Variants in CAMTA1 observed in about 807,000 individuals in gnomAD.
CAMTA1 encodes the protein calmodulin binding transcription activator 1, also known as calmodulin-binding transcription activator 1.
A neutral mutation model predicts 170.9 loss-of-function variants in CAMTA1; 27 were observed. That is an observed-to-expected ratio of 0.16 (90% CI 0.12 to 0.22). The LOEUF (loss-of-function observed/expected upper bound fraction) is 0.22, where lower values mean the gene tolerates loss of function less well. Ranked by LOEUF, CAMTA1 falls within the 10% of genes least tolerant of loss-of-function variation. CAMTA1 has a pLI of 1.00. For synonymous variants in CAMTA1, 833 were observed against 891.5 expected (o/e 0.93, Z 1.17); for missense variants, 1,619 against 2,217.2 (o/e 0.73, Z 5.42).
In CAMTA1 at chr1:7,663,723, C is replaced by A. The variant is rs1307863840; in HGVS notation, c.1176C>A (p.Ser392Arg). Residue 392 changes from serine (S) to arginine (R), a missense_variant, in exon 9 of 23, where the codon AGC (serine) becomes AGA (arginine). Coordinates refer to ENST00000303635, the MANE Select transcript of CAMTA1 (RefSeq NM_015215.4). ...SGMAVASVMG[S>R]LSQSATVFMS... ...TGGCGGTGGCCTCTGTGATGGGGAG[C>A]TTGTCCCAGAGCGCCACGGTGTTCA... is the stretch of plus-strand genomic sequence containing the variant. The A allele has an allele frequency of 6.2e-7, 1 of 1,613,874 alleles. No individual in the cohort carries two copies. The highest frequency in any genetic ancestry group is 8.5e-7 in the Non-Finnish European group (1 of 1,179,944).
chr1:7,023,264 A>T (rs142629529), intron 3 of CAMTA1, among the ~76,000 whole-genome samples: 105 of 152,376 alleles, frequency 6.9e-4, no homozygotes, highest in Admixed American at 1.5e-3. Context: ...TTGGTCCCGA[A>T]TTAGTGGTAC....
chr1:7,017,035 G>T (rs997043264), intron 3 of CAMTA1, among the ~76,000 whole-genome samples: 1 of 152,052 alleles, frequency 6.6e-6, no homozygotes, highest in Non-Finnish European at 1.5e-5. Flanking sequence ...CTGTACACAG[G>T]TGCCCACTTC....
intron 3 of CAMTA1, among the ~76,000 whole-genome samples, chr1:7,023,554 A>AT (rs1432799079): frequency 6.6e-6 from 1 of 152,264 alleles, no homozygotes; most frequent in Non-Finnish European, 1.5e-5. Flanking sequence ...AAGAGACAAG[A>AT]AATAAAATCC....
chr1:6,897,380 G>C (rs541799119), intron 3 of CAMTA1, among the ~76,000 whole-genome samples: 10 of 142,424 alleles, frequency 7.0e-5, no homozygotes, highest in African/African-American at 2.3e-4. Context: ...GTCAGTGTGG[G>C]GCGGGGAGTA....
At chr1:7,341,772 A>G (rs2083849949) in intron 5 of CAMTA1, among the ~76,000 whole-genome samples, 1 of 152,150 alleles carries the variant, frequency 6.6e-6, no homozygotes, top group African/African-American at 2.4e-5. Flanking sequence ...TTCTCTCTCC[A>G]CAGAACTCAA....
chr1:6,859,822 A>G (rs1018327386), intron 3 of CAMTA1, among the ~76,000 whole-genome samples: 13 of 152,150 alleles, frequency 8.5e-5, no homozygotes, highest in African/African-American at 3.1e-4. Context: ...GTTGTAGAAT[A>G]CCAATTTGGA....
At chr1:6,820,341 C>T in intron 2 of CAMTA1, 91 bp downstream of exon 2, 2 of 1,341,278 alleles carry the variant, frequency 1.5e-6, no homozygotes, top group Non-Finnish European at 2.1e-6. Context: ...CAGCCTTCAG[C>T]CCGGACTCAG....
intron 3 of CAMTA1, among the ~76,000 whole-genome samples, chr1:7,056,447 G>A (rs1289456376): frequency 6.6e-6 from 1 of 152,114 alleles, no homozygotes; most frequent in East Asian, 1.9e-4. Flanking sequence ...GAGGCGTTTT[G>A]GAGTAATTTC....
chr1:6,970,056 A>G lies in CAMTA1; in HGVS notation c.235-121248A>G, dbSNP rs923950655. Among the ~76,000 whole-genome samples the G allele has an allele frequency of 2.0e-5, 3 of 152,104 alleles. No individual in the cohort carries two copies. The highest frequency in any genetic ancestry group is 4.4e-5 in the Non-Finnish European group (3 of 68,018). On this transcript the variant is annotated intron_variant, in intron 3 of 22. Coordinates refer to ENST00000303635, the MANE Select transcript of CAMTA1 (RefSeq NM_015215.4). The surrounding 1 kb of genome is among the most constrained non-coding windows in gnomAD (Gnocchi z 4.4). ...TCCTCCCACCAACCCTGTGTGGTCA[A>G]CTCACCCTCTCCCTCCCAGGATCTC...
chr1:7,312,475 G>A (rs1015974680), intron 5 of CAMTA1, among the ~76,000 whole-genome samples: 17 of 152,158 alleles, frequency 1.1e-4, no homozygotes, highest in Non-Finnish European at 1.0e-4. Flanking sequence ...GGAATAGGAA[G>A]CTCGTGGCTC....
chr1:7,337,305 G>A (rs2083446753), intron 5 of CAMTA1, among the ~76,000 whole-genome samples: 1 of 152,218 alleles, frequency 6.6e-6, no homozygotes, highest in Non-Finnish European at 1.5e-5. Context: ...TTAGGAGAGG[G>A]CGTGTCTGAT....
At chr1:6,834,118 G>T (rs1651767265) in intron 3 of CAMTA1, among the ~76,000 whole-genome samples, 1 of 150,118 alleles carries the variant, frequency 6.7e-6, no homozygotes. Context: ...GACTTTCCAG[G>T]GAGGCTTGGG....
chr1:6,841,316 G>A (rs747480629), intron 3 of CAMTA1, among the ~76,000 whole-genome samples: 1 of 152,164 alleles, frequency 6.6e-6, no homozygotes, highest in Non-Finnish European at 1.5e-5. Context: ...GCCTTGTGAT[G>A]TTATTTATTT....
At chr1:6,968,263 G>T (rs1406395984) in intron 3 of CAMTA1, among the ~76,000 whole-genome samples, 1 of 152,192 alleles carries the variant, frequency 6.6e-6, no homozygotes, top group Non-Finnish European at 1.5e-5. Context: ...AGAGAGCAAG[G>T]CATGTATCGT....
At chr1:7,638,407 G>A (rs1281166446) in intron 6 of CAMTA1, among the ~76,000 whole-genome samples, 3 of 152,194 alleles carry the variant, frequency 2.0e-5, no homozygotes, top group African/African-American at 4.8e-5. Flanking sequence ...TTGGGAGGCC[G>A]AGGAAGGCAG....
chr1:7,113,743 A>G lies in CAMTA1; in HGVS notation c.302+22372A>G, dbSNP rs1351475114. On this transcript the variant is annotated intron_variant, in intron 4 of 22. Coordinates refer to ENST00000303635, the MANE Select transcript of CAMTA1 (RefSeq NM_015215.4). This position sits in a 1 kb window ranked among gnomAD's most constrained non-coding sequence, Gnocchi z 4.5. ...TTAATGATATTCTCTCACTTTAGCA[A>G]TATATTTTGTGCTTCAAAAATGTAA... Among the ~76,000 whole-genome samples, 1 of 152,226 alleles carries G rather than the reference A, an allele frequency of 6.6e-6. No individual in the cohort carries two copies. Among genetic ancestry groups the G allele is most frequent in the African/African-American group, 2.4e-5 (1 of 41,470 alleles).
At chr1:6,823,250 C>T (rs1052400844) in intron 2 of CAMTA1, among the ~76,000 whole-genome samples, 1 of 151,976 alleles carries the variant, frequency 6.6e-6, no homozygotes, top group Admixed American at 6.6e-5. Flanking sequence ...TTTTATGGCC[C>T]GTGGAACCTC....
At chr1:6,899,934 T>C (rs988882488) in intron 3 of CAMTA1, among the ~76,000 whole-genome samples, 1 of 152,262 alleles carries the variant, frequency 6.6e-6, no homozygotes, top group African/African-American at 2.4e-5. Context: ...GATTTTACAT[T>C]GCCAACACTG....
In CAMTA1 at chr1:7,671,182, G is replaced by C; in HGVS notation, c.2779+145G>C. ...CTCGGCTGTGAAGAAGCGGATCCCC[G>C]ATAGTCTATTAGAACGTCACCTCCT... On this transcript the variant is annotated intron_variant, in intron 10 of 22. Transcript: ENST00000303635. The C allele has an allele frequency of 3.4e-6, 3 of 889,416 alleles. 1 individual carries two copies. The South Asian group carries it at 4.9e-5, about 15-fold the overall frequency. 55.1% of individuals were successfully genotyped at this position (889,416 alleles called of 1,614,324 possible).
Sources: gnomAD v4.1 joint callset for allele counts (sites outside exome capture counted in the v4.1 genomes callset) on GRCh38, gnomAD v4.1.1 for gene constraint, Gnocchi (gnomAD v3.1) non-coding constraint, MANE v1.5 for transcripts, NCBI Gene and HGNC (gene_info 2026-07-23, HGNC 2026-07-21) for gene names.